Variants in STPG2 observed in about 807,000 individuals in gnomAD.
STPG2 encodes sperm tail PG-rich repeat containing 2, also known as sperm-tail PG-rich repeat-containing protein 2.
In STPG2, 56 loss-of-function variants were observed where a neutral mutation model predicts 54.2. The ratio of observed to expected loss-of-function variants is 1.03; its 90% confidence interval spans 0.83 to 1.29. The LOEUF (loss-of-function observed/expected upper bound fraction) is 1.29. Among genes scored for constraint, STPG2 ranks in the 50% most tolerant of loss-of-function variants. STPG2 has a pLI of 0.00. For synonymous variants in STPG2, 200 were observed against 181.8 expected, an observed-to-expected ratio of 1.10 and a Z score of -0.81; for missense variants, 596 against 544.9, an observed-to-expected ratio of 1.09 and a Z score of -0.93.
chr4:97,952,329 C>A (rs1263810817), intron 7 of STPG2, among the ~76,000 whole-genome samples: 1 of 152,138 alleles, frequency 6.6e-6, no homozygotes, highest in Non-Finnish European at 1.5e-5. Context: ...AGCTGCCTGA[C>A]TGTTGGGGTA....
intron 10 of STPG2, among the ~76,000 whole-genome samples, chr4:97,661,009 G>C (rs1251523966): frequency 6.6e-6 from 1 of 151,960 alleles, no homozygotes; most frequent in Non-Finnish European, 1.5e-5. Flanking sequence ...AACATGCTTT[G>C]GGATAGAAAG....
intron 4 of STPG2, among the ~76,000 whole-genome samples, chr4:97,486,804 G>GGTGTGTGTGTGTGT (rs546341277): frequency 1.9e-4 from 25 of 130,894 alleles, no homozygotes; most frequent in African/African-American, 7.4e-4. Flanking sequence ...AAGAAACTGT[G>GGTGTGTGTGTGTGT]GTGTGTGTGT....
At chr4:97,670,009 T>A (rs193118440) in intron 10 of STPG2, among the ~76,000 whole-genome samples, 12 of 152,246 alleles carry the variant, frequency 7.9e-5, no homozygotes, top group Non-Finnish European at 4.4e-5. Flanking sequence ...CATTTTTTTA[T>A]TATTGCTATA....
Position 97,703,553 on chromosome 4 carries a change from C to CTATTATATTTAGTATATATAGTA in STPG2, c.1320+9145_1320+9146insTACTATATATACTAAATATAATA, listed in dbSNP as rs1723845816. 1.3e-4 allele frequency among the ~76,000 whole-genome samples: 17 copies of CTATTATATTTAGTATATATAGTA among 134,896 alleles called. No individual in the cohort carries two copies. The Admixed American group carries it at 1.4e-3, about 11-fold the overall frequency. 88.5% of individuals were successfully genotyped at this position (134,896 alleles called of 152,430 possible). On this transcript the variant is annotated intron_variant, in intron 10 of 10. Coordinates refer to ENST00000295268, the MANE Select transcript of STPG2 (RefSeq NM_174952.3). ...ATATAAGTCTATATACTATAATATA[C>CTATTATATTTAGTATATATAGTA]TATATATACTATTATATTTAGTATA... is the stretch of plus-strand genomic sequence containing the variant.
intron 9 of STPG2, among the ~76,000 whole-genome samples, chr4:97,741,788 T>C: frequency 6.6e-6 from 1 of 151,960 alleles, no homozygotes; most frequent in East Asian, 1.9e-4. Flanking sequence ...AGTTCAACCA[T>C]TGTGGAAGTC....
chr4:97,758,495 CATT>C (rs1725795704), intron 9 of STPG2, among the ~76,000 whole-genome samples: 2 of 152,076 alleles, frequency 1.3e-5, no homozygotes, highest in Admixed American at 1.3e-4. Flanking sequence ...AGCTGGAAAA[CATT>C]ATCCTCAGCA....
intron 5 of STPG2, among the ~76,000 whole-genome samples, chr4:98,101,000 G>A (rs1223401665): frequency 6.6e-6 from 1 of 151,852 alleles, no homozygotes; most frequent in Non-Finnish European, 1.5e-5. Context: ...TTAATGTGCA[G>A]GAGAGGTACT....
intron 8 of STPG2, among the ~76,000 whole-genome samples, chr4:97,851,238 C>A (rs1410397689): frequency 1.3e-5 from 2 of 152,166 alleles, no homozygotes; most frequent in Non-Finnish European, 2.9e-5. Flanking sequence ...ATTTTGCACA[C>A]CATTGTATCT....
intron 8 of STPG2, among the ~76,000 whole-genome samples, chr4:97,913,364 G>C (rs1348866086): frequency 1.3e-5 from 2 of 152,090 alleles, no homozygotes; most frequent in Non-Finnish European, 1.5e-5. Flanking sequence ...AAATAAAGAA[G>C]TTACAAAAAC....
At chr4:97,579,402 C>T (rs1732807643) in intron 10 of STPG2, among the ~76,000 whole-genome samples, 1 of 151,924 alleles carries the variant, frequency 6.6e-6, no homozygotes, top group African/African-American at 2.4e-5. Context: ...AAAATTTAAT[C>T]TCAAAATTTG....
chr4:97,998,864 A>G (rs910457686), intron 5 of STPG2, among the ~76,000 whole-genome samples: 7 of 152,164 alleles, frequency 4.6e-5, no homozygotes, highest in Admixed American at 6.5e-5. Flanking sequence ...TGTTCCATGC[A>G]CATGTCAGTG....
chr4:98,012,700 C>A (rs1038666806), intron 5 of STPG2, among the ~76,000 whole-genome samples: 19 of 152,046 alleles, frequency 1.2e-4, no homozygotes. Flanking sequence ...GTATTTTATT[C>A]TCTTTGTAGC....
rs183562583 is a variant in STPG2 at position 97,736,392 on chromosome 4, G to A, written c.1205-23578C>T. Among the ~76,000 whole-genome samples, 28 of 152,302 alleles carry A rather than the reference G, an allele frequency of 1.8e-4. No homozygotes were observed. In the East Asian group the frequency reaches 3.3e-3, roughly 18 times the overall value. On this transcript the variant is annotated intron_variant, in intron 9 of 10. Coordinates refer to ENST00000295268, the MANE Select transcript of STPG2 (RefSeq NM_174952.3). The stretch of plus-strand genomic sequence containing the variant: ...GGGTGCAGCACACCGTGCGCGAGTC[G>A]AAGCAGGGCGAGGCATTGCCTCACT...
chr4:97,513,403 C>A (rs1057415671), intron 4 of STPG2, among the ~76,000 whole-genome samples: 12 of 152,056 alleles, frequency 7.9e-5, no homozygotes, highest in Non-Finnish European at 1.5e-4. Flanking sequence ...AACTTTCATC[C>A]TCCCCATGCT....
chr4:97,906,613 C>T (rs1158237339), intron 8 of STPG2, among the ~76,000 whole-genome samples: 2 of 152,086 alleles, frequency 1.3e-5, no homozygotes, highest in South Asian at 2.1e-4. Context: ...TGCAAAAATC[C>T]TCAATAAAAT....
At chr4:97,635,510 TG>T (rs1400649496) in intron 10 of STPG2, among the ~76,000 whole-genome samples, 1 of 152,142 alleles carries the variant, frequency 6.6e-6, no homozygotes, top group African/African-American at 2.4e-5. Flanking sequence ...TAAATGTAAA[TG>T]GACTAAATGC....
At chr4:97,756,797 T>C (rs1725745711) in intron 9 of STPG2, among the ~76,000 whole-genome samples, 1 of 152,176 alleles carries the variant, frequency 6.6e-6, no homozygotes, top group Admixed American at 6.5e-5. Flanking sequence ...AAAAACTGAT[T>C]GCAGGCCACT....
intron 9 of STPG2, among the ~76,000 whole-genome samples, chr4:97,741,914 C>T (rs1460447999): frequency 3.3e-5 from 5 of 152,038 alleles, no homozygotes; most frequent in African/African-American, 1.2e-4. Context: ...CACATGCACA[C>T]GTATGTTTAT....
intron 9 of STPG2, among the ~76,000 whole-genome samples, chr4:97,786,162 C>T (rs1249156748): frequency 6.6e-6 from 1 of 151,180 alleles, no homozygotes; most frequent in East Asian, 1.9e-4. Context: ...TCTAGCCAAT[C>T]ACCCTTTCCC....
Sources: allele counts gnomAD v4.1 joint callset (sites outside exome capture counted in the v4.1 genomes callset), GRCh38; gene constraint gnomAD v4.1.1; transcripts MANE v1.5; gene names NCBI Gene and HGNC (gene_info 2026-07-23, HGNC 2026-07-21).